RSU1: variants seen among roughly 807,000 people sequenced by gnomAD.
The protein encoded by RSU1 is rsu-1.
A neutral mutation model predicts 31.1 loss-of-function variants in RSU1; 26 were observed. That is an observed-to-expected ratio of 0.84 (90% CI 0.61 to 1.16). The LOEUF (loss-of-function observed/expected upper bound fraction) is 1.16, where lower values mean the gene tolerates loss of function less well. Among genes scored for constraint, RSU1 ranks in the 50% most tolerant of loss-of-function variants. The pLI is 0.00. For synonymous variants in RSU1, 164 were observed against 136.3 expected, an observed-to-expected ratio of 1.20 and a Z score of -1.41; for missense variants, 320 against 339.1, an observed-to-expected ratio of 0.94 and a Z score of 0.44.
chr10:16,677,662 AT>A (rs1835258556), intron 8 of RSU1, among the ~76,000 whole-genome samples: 2 of 152,180 alleles, frequency 1.3e-5, no homozygotes, highest in African/African-American at 4.8e-5. Context: ...TATGGCCAGT[AT>A]TTTTTCTTGT....
intron 7 of RSU1, among the ~76,000 whole-genome samples, chr10:16,744,422 C>T (rs189263591): frequency 2.0e-5 from 3 of 152,168 alleles, no homozygotes; most frequent in South Asian, 4.2e-4. Flanking sequence ...ATGAAATAAG[C>T]GCTGTCACAA....
intron 8 of RSU1, among the ~76,000 whole-genome samples, chr10:16,672,421 C>G (rs886540466): frequency 1.3e-5 from 2 of 152,200 alleles, no homozygotes; most frequent in Non-Finnish European, 2.9e-5. Context: ...CACAAAAGCT[C>G]ACAGCAGCTT....
chr10:16,770,255 A>G (rs917352118), intron 3 of RSU1, among the ~76,000 whole-genome samples: 3 of 152,072 alleles, frequency 2.0e-5, no homozygotes, highest in Non-Finnish European at 2.9e-5. Context: ...CGCAAAAAAC[A>G]TAAGGACAGG....
intron 7 of RSU1, chr10:16,721,717 T>TA (rs111704676): frequency 6.6e-6 from 1 of 152,232 alleles, no homozygotes; most frequent in African/African-American, 2.4e-5. Flanking sequence ...AATCACTTGA[T>TA]AACTGCAATG....
chr10:16,646,290 G>A (rs185903077), intron 8 of RSU1, among the ~76,000 whole-genome samples: 2 of 152,054 alleles, frequency 1.3e-5, no homozygotes, highest in Non-Finnish European at 2.9e-5. Context: ...CAGGAACGCT[G>A]TGTTCAACTG....
intron 7 of RSU1, among the ~76,000 whole-genome samples, chr10:16,721,097 T>C (rs892239259): frequency 1.3e-5 from 2 of 152,216 alleles, no homozygotes; most frequent in Admixed American, 1.3e-4. Flanking sequence ...GTTTGTGTCA[T>C]GAAGATAAAT....
At chr10:16,704,839 TCC>T (rs995908364) in intron 7 of RSU1, among the ~76,000 whole-genome samples, 1 of 152,216 alleles carries the variant, frequency 6.6e-6, no homozygotes, top group African/African-American at 2.4e-5. Context: ...GGTTAATTTT[TCC>T]CCCACTTTTT....
At chr10:16,682,806 C>T (rs1396057422) in intron 8 of RSU1, among the ~76,000 whole-genome samples, 2 of 151,962 alleles carry the variant, frequency 1.3e-5, no homozygotes, top group Non-Finnish European at 2.9e-5. Flanking sequence ...TACACAGGAC[C>T]ACACAGGTCC....
intron 7 of RSU1, among the ~76,000 whole-genome samples, chr10:16,706,402 TG>T (rs1289501317): frequency 1.3e-5 from 2 of 152,200 alleles, no homozygotes; most frequent in Non-Finnish European, 2.9e-5. Context: ...GTACCTTCCT[TG>T]GGAAAAAGTT....
chr10:16,607,976 A>T (rs1336164387), intron 8 of RSU1, among the ~76,000 whole-genome samples: 1 of 152,128 alleles, frequency 6.6e-6, no homozygotes, highest in Non-Finnish European at 1.5e-5. Flanking sequence ...GATTACAGGC[A>T]CATACCACCA....
At chr10:16,645,763 C>T (rs112615064) in intron 8 of RSU1, among the ~76,000 whole-genome samples, 1,715 of 150,324 alleles carry the variant, frequency 0.011, 26 homozygotes, top group African/African-American at 0.032. Context: ...GCCGAGATCA[C>T]GCCACTGCAC....
intron 7 of RSU1, among the ~76,000 whole-genome samples, chr10:16,726,356 C>A (rs1013068334): frequency 6.6e-6 from 1 of 151,206 alleles, no homozygotes; most frequent in African/African-American, 2.5e-5. Flanking sequence ...CAACCTCAGC[C>A]TCCCAGGTTC....
intron 7 of RSU1, among the ~76,000 whole-genome samples, chr10:16,710,350 A>C (rs1835991401): frequency 6.6e-6 from 1 of 152,228 alleles, no homozygotes; most frequent in Non-Finnish European, 1.5e-5. Flanking sequence ...CACTGGTATG[A>C]GTAATACTTG....
intron 8 of RSU1, among the ~76,000 whole-genome samples, chr10:16,674,197 T>G (rs1477920332): frequency 6.6e-6 from 1 of 152,146 alleles, no homozygotes; most frequent in Non-Finnish European, 1.5e-5. Context: ...TAAAATTCTG[T>G]GTGCAGGAGT....
At chr10:16,716,198 G>A (rs1261490994) in intron 7 of RSU1, among the ~76,000 whole-genome samples, 1 of 152,312 alleles carries the variant, frequency 6.6e-6, no homozygotes, top group East Asian at 1.9e-4. Flanking sequence ...GGTCTAGATA[G>A]GGCATCAGAG....
At chr10:16,674,103 A>G (rs1026013652) in intron 8 of RSU1, among the ~76,000 whole-genome samples, 3 of 152,126 alleles carry the variant, frequency 2.0e-5, no homozygotes, top group Non-Finnish European at 2.9e-5. Flanking sequence ...AAAACAAAAT[A>G]TAAGGCAAGT....
intron 7 of RSU1, among the ~76,000 whole-genome samples, chr10:16,712,186 T>C (rs529115318): frequency 2.6e-5 from 4 of 152,200 alleles, no homozygotes; most frequent in Non-Finnish European, 5.9e-5. Context: ...TGGAATATGT[T>C]TTTCCATTCC....
chr10:16,772,545 G>A (rs1428993720), intron 3 of RSU1, among the ~76,000 whole-genome samples: 4 of 150,966 alleles, frequency 2.6e-5, no homozygotes, highest in Non-Finnish European at 5.9e-5. Flanking sequence ...CAGTGGCCTG[G>A]GGAGGAAGTG....
In RSU1 at chr10:16,691,280, A is replaced by G. The variant is rs1423659988; in HGVS notation, c.731+3743T>C. ...TTGGGTTCTAATTGTATGAGGATAT[A>G]CTTAATATAATACAGATCTATTCAT... On this transcript the variant is annotated intron_variant, in intron 8 of 8. Coordinates refer to ENST00000345264, the MANE Select transcript of RSU1 (RefSeq NM_012425.4). Among the ~76,000 whole-genome samples the G allele has an allele frequency of 5.9e-5, 9 of 152,144 alleles. No individual in the cohort carries two copies. The South Asian group carries it at 1.7e-3, about 28-fold the overall frequency.
Sources: allele counts gnomAD v4.1 joint callset (sites outside exome capture counted in the v4.1 genomes callset), GRCh38; gene constraint gnomAD v4.1.1; transcripts MANE v1.5; gene names NCBI Gene and HGNC (gene_info 2026-07-23, HGNC 2026-07-21).